GABBR2: variants seen among roughly 807,000 people sequenced by gnomAD.
GABBR2 encodes the protein gamma-aminobutyric acid type B receptor subunit 2.
In GABBR2, 23 loss-of-function variants were observed where a neutral mutation model predicts 105.6. The ratio of observed to expected loss-of-function variants is 0.22; its 90% CI spans 0.16 to 0.31. The LOEUF (loss-of-function observed/expected upper bound fraction) is 0.31. GABBR2 is among the 10% of genes least tolerant of loss of function. The pLI is 1.00. For synonymous variants in GABBR2, 478 were observed against 499.7 expected (o/e 0.96, Z 0.58); for missense variants, 734 against 1,245.5 (o/e 0.59, Z 6.18).
chr9:98,660,503 G>A (rs1314146908), intron 1 of GABBR2, among the ~76,000 whole-genome samples: 1 of 152,118 alleles, frequency 6.6e-6, no homozygotes, highest in Non-Finnish European at 1.5e-5. Flanking sequence ...TGCCTTTATT[G>A]GCCAATTGTA....
chr9:98,473,643 A>G (rs947360600), intron 5 of GABBR2, among the ~76,000 whole-genome samples: 1 of 152,222 alleles, frequency 6.6e-6, no homozygotes, highest in African/African-American at 2.4e-5. Flanking sequence ...GGTTCTAACC[A>G]TATTCATCAT....
At chr9:98,513,661 C>T (rs1827699642) in intron 3 of GABBR2, among the ~76,000 whole-genome samples, 1 of 152,124 alleles carries the variant, frequency 6.6e-6, no homozygotes, top group African/African-American at 2.4e-5. Flanking sequence ...AAAAAATGCT[C>T]ATCATCACTG....
chr9:98,391,597 G>A (rs1349633865), intron 9 of GABBR2, among the ~76,000 whole-genome samples: 4 of 152,200 alleles, frequency 2.6e-5, no homozygotes, highest in Admixed American at 1.3e-4. Flanking sequence ...CTCGAAGGAT[G>A]AGTAGAGTAG....
chr9:98,318,685 A>G (rs1302865578), intron 13 of GABBR2, among the ~76,000 whole-genome samples: 1 of 152,194 alleles, frequency 6.6e-6, no homozygotes, highest in Non-Finnish European at 1.5e-5. Flanking sequence ...GGCCCAGCCC[A>G]GCCCGGCCCG....
chr9:98,680,125 T>C (rs1168944741), intron 1 of GABBR2, among the ~76,000 whole-genome samples: 1 of 152,160 alleles, frequency 6.6e-6, no homozygotes, highest in Non-Finnish European at 1.5e-5. Context: ...GTCCTGCAAA[T>C]GAACAACTAC....
At chr9:98,430,736 A>G (rs2131572367) in intron 7 of GABBR2, among the ~76,000 whole-genome samples, 1 of 151,880 alleles carries the variant, frequency 6.6e-6, no homozygotes, top group East Asian at 1.9e-4. Context: ...TTTGTCTCTG[A>G]ATTCTCATCT....
intron 11 of GABBR2, among the ~76,000 whole-genome samples, chr9:98,382,516 T>C (rs1831996428): frequency 6.6e-6 from 1 of 152,142 alleles, no homozygotes; most frequent in Non-Finnish European, 1.5e-5. Context: ...GGGTTTGCCA[T>C]GTTGGCCAGG....
intron 1 of GABBR2, among the ~76,000 whole-genome samples, chr9:98,622,875 A>G (rs773681806): frequency 6.6e-6 from 1 of 152,254 alleles, no homozygotes; most frequent in Non-Finnish European, 1.5e-5. Context: ...GAGATACTCC[A>G]TACAATTCTG....
intron 2 of GABBR2, among the ~76,000 whole-genome samples, chr9:98,562,016 G>A (rs1403773330): frequency 6.6e-6 from 1 of 152,118 alleles, no homozygotes; most frequent in African/African-American, 2.4e-5. Context: ...CGGTCTCAGC[G>A]TTTCACCCCA....
At chr9:98,612,117 T>C (rs1045809062) in intron 1 of GABBR2, among the ~76,000 whole-genome samples, 1 of 152,074 alleles carries the variant, frequency 6.6e-6, no homozygotes, top group African/African-American at 2.4e-5. Context: ...ATCCCACGAG[T>C]CTTGGCTGCA....
chr9:98,404,570 G>A (rs746829780), intron 8 of GABBR2, among the ~76,000 whole-genome samples: 16 of 152,156 alleles, frequency 1.1e-4, no homozygotes, highest in Non-Finnish European at 2.1e-4. Context: ...AGAAACACTC[G>A]GCTGCTCAAG....
At chr9:98,368,942 A>T (rs1831729894) in intron 12 of GABBR2, among the ~76,000 whole-genome samples, 4 of 152,210 alleles carry the variant, frequency 2.6e-5, no homozygotes, top group Admixed American at 2.6e-4. Context: ...CATTTCTAAC[A>T]GCTTGCAGGG....
At position 98,648,802 on chromosome 9, in the gene GABBR2, A is replaced by G. The variant is rs553701448; in HGVS notation, c.321+59615T>C. Among the ~76,000 whole-genome samples the G allele has an allele frequency of 2.6e-5, 4 of 152,322 alleles. No individual in the cohort carries two copies. In the South Asian group the frequency reaches 8.3e-4, roughly 32 times the overall value. On this transcript the variant is annotated intron_variant, in intron 1 of 18. Transcript: ENST00000259455. ...ATGTTTAGCAAGACCCCTTCCCCAG[A>G]GGACTCAGTCTGGTGTCCAGCCACA...
At chr9:98,520,586 C>T (rs769308105) in intron 3 of GABBR2, among the ~76,000 whole-genome samples, 1 of 152,254 alleles carries the variant, frequency 6.6e-6, no homozygotes, top group Non-Finnish European at 1.5e-5. Flanking sequence ...CTGCCCACGT[C>T]TGCTGACTCA....
chr9:98,370,628 A>G (rs1831761879), intron 12 of GABBR2, among the ~76,000 whole-genome samples: 1 of 152,160 alleles, frequency 6.6e-6, no homozygotes, highest in Non-Finnish European at 1.5e-5. Context: ...TGTGCCAATC[A>G]ATGCTGTTTG....
intron 7 of GABBR2, among the ~76,000 whole-genome samples, chr9:98,436,458 C>T (rs1179260396): frequency 7.6e-6 from 1 of 132,392 alleles, no homozygotes; most frequent in Non-Finnish European, 1.6e-5. Context: ...ATCCACAACA[C>T]TTTACAGTTC....
At chr9:98,376,166 G>C (rs1031473766) in intron 11 of GABBR2, among the ~76,000 whole-genome samples, 2 of 152,338 alleles carry the variant, frequency 1.3e-5, no homozygotes, top group Admixed American at 6.5e-5. Flanking sequence ...TCTCCAAATG[G>C]AAGGAAAAAT....
chr9:98,315,902 G>C (rs982524939), intron 13 of GABBR2, among the ~76,000 whole-genome samples: 1 of 152,208 alleles, frequency 6.6e-6, no homozygotes, highest in Non-Finnish European at 1.5e-5. Flanking sequence ...CACCATGGGG[G>C]ACTCCCCCAC....
At chr9:98,634,856 G>A (rs149289469) in intron 1 of GABBR2, among the ~76,000 whole-genome samples, 32 of 152,190 alleles carry the variant, frequency 2.1e-4, no homozygotes, top group Non-Finnish European at 4.1e-4. Flanking sequence ...CCTCTGTCAC[G>A]CCTCCTGCTC....
Sources: gnomAD v4.1 joint callset for allele counts (sites outside exome capture counted in the v4.1 genomes callset) on GRCh38, gnomAD v4.1.1 for gene constraint, MANE v1.5 for transcripts, NCBI Gene and HGNC (gene_info 2026-07-23, HGNC 2026-07-21) for gene names.